The following RAP1GAP variants were observed in gnomAD, a reference collection of about 807,000 sequenced individuals.
The protein encoded by RAP1GAP is RAP1 GTPase activating protein, also known as rap1 GTPase-activating protein 1.
RAP1GAP carries 35 observed loss-of-function variants against 87.2 expected under a neutral mutation model. That is an observed-to-expected ratio of 0.40 (90% CI 0.31 to 0.53). RAP1GAP has a LOEUF of 0.53. Among genes scored for constraint, RAP1GAP ranks in the 20% least tolerant of loss-of-function variants. The pLI is 0.48. For missense variants in RAP1GAP, 734 were observed against 898.9 expected (o/e 0.82, Z 2.35); for synonymous variants, 375 against 363.9 (o/e 1.03, Z -0.35).
At chr1:21,654,036 G>A (rs1334986885) in intron 1 of RAP1GAP, among the ~76,000 whole-genome samples, 1 of 148,814 alleles carries the variant, frequency 6.7e-6, no homozygotes, top group East Asian at 2.0e-4. Context: ...GCCCAGTGTG[G>A]GCTCCAGCCT....
Position 21,631,070 on chromosome 1 carries a change from C to T in RAP1GAP, c.-112-4673G>A, listed in dbSNP as rs527956358. On this transcript the variant is annotated intron_variant, in intron 2 of 24. Coordinates refer to ENST00000374765, the MANE Select transcript of RAP1GAP (RefSeq NM_002885.4). The stretch of plus-strand genomic sequence containing the variant: ...TTTCCTCCCACTTCACGAACCCGAA[C>T]CTCTCTGTCCCTCCCCTTCTCTCTC... 4.6e-5 allele frequency among the ~76,000 whole-genome samples: 7 copies of T among 152,256 alleles called. No homozygotes were observed. The South Asian group carries it at 1.5e-3, about 32-fold the overall frequency.
rs1256251956 is a variant in RAP1GAP, at chr1:21,610,129, G to C, written c.990C>G (p.Pro330=). 1.8e-5 allele frequency: 29 copies of C among 1,613,858 alleles called. No individual in the cohort carries two copies. The highest frequency in any genetic ancestry group is 2.4e-5 in the Non-Finnish European group (28 of 1,179,920). ...CTCCAAGAGCGCCCACCTTGTAGAG[G>C]GGGCCATCAGGGCCCCCGCCCTCAG... ...VQAEGGGPDG[P]LYKVSVTARD... is the part of the protein sequence containing the mutation. The change falls in exon 14 of 25, where the codon CCC becomes CCG. Residue 330 remains proline, a synonymous_variant. Transcript: ENST00000374765.
Position 21,599,521 on chromosome 1 carries a change from C to A in RAP1GAP, c.1749G>T (p.Glu583Asp). Residue 583 changes from glutamate to aspartate, a missense_variant, in exon 21 of 25, where the codon GAG becomes GAT. By Grantham distance (45) the Glu-to-Asp change is conservative. Coordinates refer to ENST00000374765, the MANE Select transcript of RAP1GAP (RefSeq NM_002885.4). Reference sequence around the variant, plus strand: ...GGCCTGTGTCCTCTCCGTCCACACCCTCCGTCTCCTCCACCACGCTGGCGA... The same window carrying A: ...GGCCTGTGTCCTCTCCGTCCACACCATCCGTCTCCTCCACCACGCTGGCGA... ...SSFASVVEET[E>D]GVDGEDTGLE... 2 of 1,609,610 alleles carry A rather than the reference C, an allele frequency of 1.2e-6. No homozygotes were observed. Among genetic ancestry groups the A allele is most frequent in the South Asian group, 1.1e-5 (1 of 91,086 alleles).
chr1:21,618,974 C>T lies in RAP1GAP; in HGVS notation c.66+51G>A, dbSNP rs372374855. On this transcript the variant is annotated intron_variant, in intron 5 of 24. Coordinates refer to ENST00000374765, the MANE Select transcript of RAP1GAP (RefSeq NM_002885.4). ...GATGGGCAGTGGTGGCAGCACTTCC[C>T]GGACCCCCTCCACCCCCTAGAGAGG... 11 of 1,536,848 alleles carry T rather than the reference C, an allele frequency of 7.2e-6. No individual in the cohort carries two copies. The Admixed American group carries it at 7.6e-5, about 11-fold the overall frequency.
intron 19 of RAP1GAP, among the ~76,000 whole-genome samples, chr1:21,602,589 T>C (rs1011017754): frequency 1.3e-5 from 2 of 152,206 alleles, no homozygotes; most frequent in Non-Finnish European, 2.9e-5. Context: ...CCTTGACTCC[T>C]CTGACCTACC....
intron 20 of RAP1GAP, among the ~76,000 whole-genome samples, chr1:21,601,481 T>C (rs1283924995): frequency 6.6e-6 from 1 of 152,228 alleles, no homozygotes; most frequent in Non-Finnish European, 1.5e-5. Context: ...ACCTCTGTGC[T>C]CCAGAGCCGG....
At chr1:21,653,127 G>T (rs2096689698) in intron 1 of RAP1GAP, 1 of 152,180 alleles carries the variant, frequency 6.6e-6, no homozygotes, top group Non-Finnish European at 1.5e-5. Flanking sequence ...TCTACGGTTT[G>T]TCTCACCTAG....
rs751995705 is a variant in RAP1GAP at position 21,603,788 on chromosome 1, A to G, written c.1429-875T>C. The G allele has an allele frequency of 1.9e-6, 3 of 1,555,988 alleles. No individual in the cohort carries two copies. The highest frequency in any genetic ancestry group is 2.7e-6 in the Non-Finnish European group (3 of 1,128,174). On this transcript the variant is annotated intron_variant, in intron 18 of 24. Transcript: ENST00000374765. This position sits in a 1 kb window ranked among gnomAD's most constrained non-coding sequence, Gnocchi z 6.0. ...TCCGTCCTGAGAGCGAGCAGAGAACAGCGCGTGCAGGCAGCCTCCAGAGCC... is the reference window on the plus strand; with the variant it reads ...TCCGTCCTGAGAGCGAGCAGAGAACGGCGCGTGCAGGCAGCCTCCAGAGCC...
intron 3 of RAP1GAP, among the ~76,000 whole-genome samples, chr1:21,621,988 G>C (rs1393628463): frequency 6.6e-6 from 1 of 152,196 alleles, no homozygotes; most frequent in East Asian, 1.9e-4. Flanking sequence ...CAGATGGGGG[G>C]TGCCCCACAT....
Position 21,606,186 on chromosome 1 carries a change from C to T in RAP1GAP, c.1308G>A (p.Arg436=). 6.3e-7 allele frequency: 1 copy of T among 1,581,390 alleles called. No homozygotes were observed. The highest frequency in any genetic ancestry group is 1.8e-5 in the Admixed American group (1 of 55,428). ...GFFESFKRVI[R]SRSQSMDAMG... ...TGGCATCCATGGACTGGCTGCGGCT[C>T]CGGATGACCCGCTGTGAAGGGGGTG... Residue 436 remains arginine, a synonymous_variant, in exon 18 of 25, where the codon CGG becomes CGA. Coordinates refer to ENST00000374765, the MANE Select transcript of RAP1GAP (RefSeq NM_002885.4).
intron 19 of RAP1GAP, 91 bp downstream of exon 19, chr1:21,602,713 G>A: frequency 3.6e-6 from 4 of 1,120,422 alleles, no homozygotes; most frequent in South Asian, 1.5e-5. Flanking sequence ...CAGAGGGGCG[G>A]GCACTCCCTT....
rs774356878 is a variant in RAP1GAP at position 21,609,557 on chromosome 1, T to G, written c.1071+18A>C. On this transcript the variant is annotated intron_variant, in intron 15 of 24. Coordinates refer to ENST00000374765, the MANE Select transcript of RAP1GAP (RefSeq NM_002885.4). The surrounding 1 kb of genome is among the most constrained non-coding windows in gnomAD (Gnocchi z 4.4). ...CCATTTGTCCTGCTCTGCCCATGAC[T>G]GGGGGGGTGCCCCTCACCTTCCTGA... 6.8e-7 allele frequency: 1 copy of G among 1,460,516 alleles called. No homozygotes were observed. Among genetic ancestry groups the G allele is most frequent in the Non-Finnish European group, 9.3e-7 (1 of 1,077,152 alleles). 90.5% of individuals were successfully genotyped at this position (1,460,516 alleles called of 1,614,324 possible).
intron 2 of RAP1GAP, among the ~76,000 whole-genome samples, chr1:21,635,690 C>T (rs1171042621): frequency 6.6e-6 from 1 of 152,250 alleles, no homozygotes; most frequent in Non-Finnish European, 1.5e-5. Context: ...GTCCCTGCCC[C>T]TCACAACTCC....
chr1:21,641,342 A>G (rs1460708497), intron 2 of RAP1GAP, among the ~76,000 whole-genome samples: 1 of 152,062 alleles, frequency 6.6e-6, no homozygotes, highest in Non-Finnish European at 1.5e-5. Context: ...AAGGAGTCCT[A>G]TTCCTGCCCC....
chr1:21,656,432 A>AC (rs1177202915), intron 1 of RAP1GAP, among the ~76,000 whole-genome samples: 8 of 148,692 alleles, frequency 5.4e-5, no homozygotes, highest in African/African-American at 7.4e-5. Flanking sequence ...AAAAAAAAAA[A>AC]AAAAAAAAAA....
intron 2 of RAP1GAP, among the ~76,000 whole-genome samples, chr1:21,637,725 C>CA (rs2094980594): frequency 1.3e-5 from 2 of 152,056 alleles, no homozygotes; most frequent in Admixed American, 1.3e-4. Context: ...ACAGCAATGA[C>CA]AAAGAAGGTC....
chr1:21,662,209 C>G (rs958376547), intron 1 of RAP1GAP, among the ~76,000 whole-genome samples: 1 of 152,292 alleles, frequency 6.6e-6, no homozygotes, highest in East Asian at 1.9e-4. Flanking sequence ...CCTCTATGAA[C>G]CTCAGTTTCC....
At chr1:21,605,935 AATCC>A in intron 18 of RAP1GAP, 127 bp downstream of exon 18, 1 of 1,217,456 alleles carries the variant, frequency 8.2e-7, no homozygotes, top group South Asian at 1.5e-5. Flanking sequence ...GGCTAGACCA[AATCC>A]AGAGCCTAGG....
At chr1:21,629,719 G>A (rs1002091564) in intron 2 of RAP1GAP, among the ~76,000 whole-genome samples, 13 of 152,234 alleles carry the variant, frequency 8.5e-5, no homozygotes, top group South Asian at 4.1e-4. Context: ...CCTGCCGGGC[G>A]TCTTGCATAA....
Sources: gnomAD v4.1 joint callset for allele counts (sites outside exome capture counted in the v4.1 genomes callset) on GRCh38, gnomAD v4.1.1 for gene constraint, Gnocchi (gnomAD v3.1) non-coding constraint, MANE v1.5 for transcripts, NCBI Gene and HGNC (gene_info 2026-07-23, HGNC 2026-07-21) for gene names.